Variants in KALRN observed in about 807,000 individuals in gnomAD.
The protein encoded by KALRN is kalirin RhoGEF kinase.
KALRN carries 70 observed loss-of-function variants against 353.7 expected under a neutral mutation model. The observed-to-expected ratio is 0.20, with a 90% CI of 0.16 to 0.24. KALRN has a LOEUF of 0.24. Ranked by LOEUF, KALRN falls within the 10% of genes least tolerant of loss-of-function variation. The probability of loss-of-function intolerance (pLI) is 1.00; values close to 1 mark genes in which losing one functional copy is unlikely to be tolerated. For missense variants in KALRN, 2,791 were observed against 3,756.7 expected, an observed-to-expected ratio of 0.74 and a Z score of 6.72; for synonymous variants, 1,391 against 1,434.8, an observed-to-expected ratio of 0.97 and a Z score of 0.69.
At chr3:124,034,648 C>T (rs1484757230) in intron 1 of KALRN, among the ~76,000 whole-genome samples, 1 of 152,016 alleles carries the variant, frequency 6.6e-6, no homozygotes, top group Non-Finnish European at 1.5e-5. Context: ...CTCCCTAGAA[C>T]CGGCACTGAC....
At chr3:124,578,667 G>A (rs1268596391) in intron 34 of KALRN, among the ~76,000 whole-genome samples, 1 of 152,242 alleles carries the variant, frequency 6.6e-6, no homozygotes, top group East Asian at 1.9e-4. Flanking sequence ...TACTCGGGAG[G>A]CTGAGGCAGG....
chr3:124,656,962 C>T (rs143953443), intron 39 of KALRN, among the ~76,000 whole-genome samples: 24 of 152,294 alleles, frequency 1.6e-4, no homozygotes, highest in African/African-American at 5.5e-4. Flanking sequence ...CGATTATGGA[C>T]AAGTCATCAT....
chr3:124,229,191 C>A (rs1370723922), intron 2 of KALRN, among the ~76,000 whole-genome samples: 1 of 152,196 alleles, frequency 6.6e-6, no homozygotes, highest in Non-Finnish European at 1.5e-5. Context: ...ACCATTTGGC[C>A]CATGAGCCTG....
chr3:124,680,030 G>A (rs2087610720), intron 51 of KALRN, among the ~76,000 whole-genome samples: 1 of 152,332 alleles, frequency 6.6e-6, no homozygotes, highest in Non-Finnish European at 1.5e-5. Flanking sequence ...GGTGAAGTAT[G>A]GCACCTGGTT....
At chr3:124,693,868 T>C (rs1270253027) in intron 52 of KALRN, 37 bp downstream of exon 52, 2 of 1,475,324 alleles carry the variant, frequency 1.4e-6, no homozygotes, top group East Asian at 2.3e-5. Flanking sequence ...AACATGGGGA[T>C]TGGTTAAATA....
intron 1 of KALRN, among the ~76,000 whole-genome samples, chr3:124,045,372 G>A (rs866389043): frequency 6.6e-6 from 1 of 152,294 alleles, no homozygotes; most frequent in African/African-American, 2.4e-5. Context: ...TTAAGTCAGA[G>A]CTTTAATGTC....
At chr3:124,594,713 A>T (rs2076111218) in intron 34 of KALRN, among the ~76,000 whole-genome samples, 2 of 152,204 alleles carry the variant, frequency 1.3e-5, no homozygotes, top group South Asian at 4.1e-4. Flanking sequence ...CCTGGGACTG[A>T]CATATCTCCA....
intron 21 of KALRN, among the ~76,000 whole-genome samples, chr3:124,447,538 C>T (rs888452290): frequency 6.6e-6 from 1 of 152,210 alleles, no homozygotes; most frequent in African/African-American, 2.4e-5. Context: ...AAAATCTGAT[C>T]TGTCTCAAGT....
intron 1 of KALRN, among the ~76,000 whole-genome samples, chr3:124,127,106 C>T (rs778234825): frequency 3.9e-5 from 6 of 152,202 alleles, no homozygotes; most frequent in Non-Finnish European, 8.8e-5. Context: ...GATCACCCTT[C>T]ATAAATTTCA....
At chr3:124,324,435 A>G (rs929407132) in intron 6 of KALRN, among the ~76,000 whole-genome samples, 2 of 152,196 alleles carry the variant, frequency 1.3e-5, no homozygotes, top group African/African-American at 4.8e-5. Flanking sequence ...TTTAATTTTC[A>G]GTAGAATTTG....
intron 13 of KALRN, among the ~76,000 whole-genome samples, chr3:124,404,662 T>C (rs1017134807): frequency 3.3e-5 from 5 of 151,522 alleles, no homozygotes; most frequent in African/African-American, 1.2e-4. Flanking sequence ...TTTTCTTTTT[T>C]TTTTTTTTGC....
At chr3:124,505,802 A>G (rs1174850739) in intron 33 of KALRN, among the ~76,000 whole-genome samples, 3 of 152,208 alleles carry the variant, frequency 2.0e-5, no homozygotes, top group Non-Finnish European at 1.5e-5. Context: ...AAACATAACA[A>G]TGTCATCTGT....
chr3:124,379,874 G>A (rs1451733522), intron 10 of KALRN, among the ~76,000 whole-genome samples: 2 of 152,146 alleles, frequency 1.3e-5, no homozygotes, highest in Admixed American at 6.5e-5. Context: ...TATCTTGATT[G>A]CTGCCCTCCC....
chr3:124,234,093 G>T (rs889570975), intron 2 of KALRN, among the ~76,000 whole-genome samples: 9 of 152,236 alleles, frequency 5.9e-5, no homozygotes. Context: ...TGTCATTTTG[G>T]TATACTCCTT....
At chr3:124,104,218 A>G (rs1207939802) in intron 1 of KALRN, among the ~76,000 whole-genome samples, 1 of 152,216 alleles carries the variant, frequency 6.6e-6, no homozygotes, top group Admixed American at 6.5e-5. Flanking sequence ...GAAAGAAGAA[A>G]TGTTCATGTA....
chr3:124,561,473 C>G (rs2072001305), intron 33 of KALRN, among the ~76,000 whole-genome samples: 1 of 152,174 alleles, frequency 6.6e-6, no homozygotes, highest in Non-Finnish European at 1.5e-5. Flanking sequence ...ATCGAAGTCC[C>G]TTTAGTGTAA....
intron 34 of KALRN, among the ~76,000 whole-genome samples, chr3:124,588,504 A>T (rs1253620226): frequency 6.6e-6 from 1 of 152,292 alleles, no homozygotes. Flanking sequence ...GGCTCACTGC[A>T]ACCTCTGCCT....
At chr3:124,461,827 A>G in intron 23 of KALRN, 63 bp from the exon 24 acceptor site, 1 of 1,200,100 alleles carries the variant, frequency 8.3e-7, no homozygotes, top group Non-Finnish European at 1.2e-6. Context: ...TGGGGAAGTG[A>G]AGTTTGAAGG....
chr3:124,541,863 G>A (rs897793170), intron 33 of KALRN, among the ~76,000 whole-genome samples: 4 of 152,036 alleles, frequency 2.6e-5, no homozygotes, highest in African/African-American at 7.3e-5. Flanking sequence ...CTGCACTCTA[G>A]CCCAGGTTAC....
Sources: allele counts gnomAD v4.1 joint callset (sites outside exome capture counted in the v4.1 genomes callset), GRCh38; gene constraint gnomAD v4.1.1; transcripts MANE v1.5; gene names NCBI Gene and HGNC (gene_info 2026-07-23, HGNC 2026-07-21).